B4GALNT2: variants seen among roughly 807,000 people sequenced by gnomAD.
B4GALNT2 encodes N-acetylneuraminylgalactosylglucosyl-glucoside beta-1,4-N- acetylgalactosaminyltransferase 2.
Under a neutral mutation model 51.1 loss-of-function variants are expected in B4GALNT2, and 42 were observed. The ratio of observed to expected loss-of-function variants is 0.82; its 90% confidence interval spans 0.64 to 1.06. The LOEUF (loss-of-function observed/expected upper bound fraction) is 1.06. Ranked by LOEUF, B4GALNT2 falls within the 50% of genes least tolerant of loss-of-function variation. The pLI is 0.00. For synonymous variants in B4GALNT2, 253 were observed against 251.7 expected, an observed-to-expected ratio of 1.01 and a Z score of -0.05; for missense variants, 602 against 633.6, an observed-to-expected ratio of 0.95 and a Z score of 0.54.
In B4GALNT2 at chr17:49,169,548, C is replaced by T; in HGVS notation, c.1341C>T (p.Thr447=). ...AATTCTTCATTGATGGGCTAGGGAC[C>T]CTACTCGTGGGGTCATGCCCAGAAG... The part of the protein sequence containing the change: ...HSEFFIDGLG[T]LLVGSCPEVI... Residue 447 remains threonine (T), a synonymous_variant, in exon 11 of 11, where the codon ACC becomes ACT. Coordinates refer to ENST00000393354, the MANE Select transcript of B4GALNT2 (RefSeq NM_001159387.2). 1 of 1,612,210 alleles carries T rather than the reference C, an allele frequency of 6.2e-7. No individual in the cohort carries two copies. The highest frequency in any genetic ancestry group is 8.5e-7 in the Non-Finnish European group (1 of 1,180,012).
At chr17:49,132,917 C>T (rs2144262090) in intron 1 of B4GALNT2, 111 bp downstream of exon 1, 2 of 1,377,378 alleles carry the variant, frequency 1.5e-6, no homozygotes, top group South Asian at 1.8e-5. Flanking sequence ...ACGCAGACGC[C>T]GGAGCCAGGG....
intron 4 of B4GALNT2, among the ~76,000 whole-genome samples, chr17:49,155,519 T>C (rs1431499200): frequency 6.6e-6 from 1 of 150,472 alleles, no homozygotes; most frequent in Non-Finnish European, 1.5e-5. Flanking sequence ...GGAGAATCAC[T>C]TGAACTTGGG....
At chr17:49,145,301 G>A (rs2091041) in intron 3 of B4GALNT2, among the ~76,000 whole-genome samples, 47 of 151,982 alleles carry the variant, frequency 3.1e-4, no homozygotes, top group African/African-American at 1.1e-3. Flanking sequence ...GACCAGAAAC[G>A]CACCAATCCC....
upstream of B4GALNT2, among the ~76,000 whole-genome samples, chr17:49,127,511 C>T (rs1489854542): frequency 1.3e-5 from 2 of 152,070 alleles, no homozygotes; most frequent in East Asian, 1.9e-4. Context: ...TTACTTTGTC[C>T]TTAAAAATGT....
rs1851581 is a variant in B4GALNT2, at chr17:49,172,408, T to A, written c.*2680T>A. 2 of 153,244 alleles carry A rather than the reference T, an allele frequency of 1.3e-5. No homozygotes were observed. Among genetic ancestry groups the A allele is most frequent in the African/African-American group, 4.8e-5 (2 of 41,394 alleles). 9.5% of individuals were successfully genotyped at this position (153,244 alleles called of 1,614,324 possible). ...CCTATTTCCCAACTTTTTGTTATTG[T>A]ATCTCTCCACCAAACCAGTTGTTCT... is the stretch of plus-strand genomic sequence containing the variant. On this transcript the variant is annotated 3_prime_UTR_variant, in exon 11 of 11. Transcript: ENST00000393354.
chr17:49,132,892 G>A (rs551018318), intron 1 of B4GALNT2, 86 bp downstream of exon 1: 4 of 1,376,512 alleles, frequency 2.9e-6, no homozygotes, highest in South Asian at 1.8e-5. Context: ...TCTGCAGAGC[G>A]GGCAGGTGCT....
intron 1 of B4GALNT2, chr17:49,133,264 G>T (rs1012148265): frequency 2.8e-6 from 4 of 1,442,856 alleles, no homozygotes; most frequent in African/African-American, 1.5e-5. Flanking sequence ...GTGGACAGTC[G>T]GGGAGCCCGG....
intron 1 of B4GALNT2, among the ~76,000 whole-genome samples, chr17:49,136,966 A>C (rs745657296): frequency 6.6e-6 from 1 of 152,216 alleles, no homozygotes; most frequent in Non-Finnish European, 1.5e-5. Flanking sequence ...TATCAATTAC[A>C]TAGTAAAACA....
chr17:49,142,514 A>AC (rs2042654508), intron 3 of B4GALNT2, among the ~76,000 whole-genome samples: 2 of 147,796 alleles, frequency 1.4e-5, no homozygotes, highest in South Asian at 4.3e-4. Context: ...ATATAGTGAG[A>AC]CCCCCATCTC....
rs202033736 is a variant in B4GALNT2, at chr17:49,138,835, C to G, written c.15-2412C>G. On this transcript the variant is annotated intron_variant, in intron 1 of 10. Transcript: ENST00000393354. The stretch of plus-strand genomic sequence containing the variant: ...GAGGTTGCAGTGAGCTGAGATTGTG[C>G]CACTGCACTCCAGCCTGGGTGACAA... Among the ~76,000 whole-genome samples, 11 of 152,276 alleles carry G rather than the reference C, an allele frequency of 7.2e-5. No individual in the cohort carries two copies. The South Asian group carries it at 2.1e-3, about 29-fold the overall frequency.
chr17:49,150,489 G>A (rs1412648682), intron 3 of B4GALNT2, among the ~76,000 whole-genome samples: 2 of 152,112 alleles, frequency 1.3e-5, no homozygotes, highest in African/African-American at 2.4e-5. Context: ...AAGCGGGGAA[G>A]GGTGGGGAAA....
rs117396263 is a variant in B4GALNT2 at position 49,166,087 on chromosome 17, A to G, written c.955-27A>G. 6 of 1,606,656 alleles carry G rather than the reference A, an allele frequency of 3.7e-6. No homozygotes were observed. In the African/African-American group the frequency reaches 6.7e-5, roughly 18 times the overall value. Reference sequence around the variant, plus strand: ...ATTCTAATATGTAATATGGGCAACCACTCCTTTAACCTCATTTCATCTACA... The same window carrying G: ...ATTCTAATATGTAATATGGGCAACCGCTCCTTTAACCTCATTTCATCTACA... On this transcript the variant is annotated intron_variant, in intron 8 of 10. Coordinates refer to ENST00000393354, the MANE Select transcript of B4GALNT2 (RefSeq NM_001159387.2).
intron 4 of B4GALNT2, among the ~76,000 whole-genome samples, chr17:49,155,940 G>A (rs1045538762): frequency 6.6e-6 from 1 of 151,908 alleles, no homozygotes; most frequent in African/African-American, 2.4e-5. Flanking sequence ...TGTTAGCCAG[G>A]ATGATCTCGA....
rs768210043 is a variant in B4GALNT2, at chr17:49,164,183, C to A, written c.862C>A (p.Pro288Thr). 3 of 1,613,656 alleles carry A rather than the reference C, an allele frequency of 1.9e-6. No individual in the cohort carries two copies. Among genetic ancestry groups the A allele is most frequent in the Non-Finnish European group, 2.5e-6 (3 of 1,179,660 alleles). ...GCTCCGGAGTATTCGAGAGTATTACCCAGACTTGACCGTAATAGTGGCTGA... is the reference window on the plus strand; with the variant it reads ...GCTCCGGAGTATTCGAGAGTATTACACAGACTTGACCGTAATAGTGGCTGA... ...IMLRSIREYY[P>T]DLTVIVADDS... Residue 288 changes from proline to threonine, a missense_variant, in exon 8 of 11, where the codon CCA (proline) becomes ACA (threonine). Pro to Thr is a conservative substitution (Grantham distance 38). Transcript: ENST00000393354.
chr17:49,133,183 G>A lies in B4GALNT2; in HGVS notation c.14+377G>A, dbSNP rs576658131. 4.6e-6 allele frequency: 7 copies of A among 1,511,660 alleles called. No individual in the cohort carries two copies. The African/African-American group carries it at 8.7e-5, about 19-fold the overall frequency. 93.6% of individuals were successfully genotyped at this position (1,511,660 alleles called of 1,614,324 possible). A position where few individuals can be genotyped will look rare whatever the true frequency, so the allele number is the denominator to read the frequency against. ...CTCAGAGGCGCTGACCCAGCCTGGG[G>A]CCCGTTTGCTGCCCACGGGAGGAGC... On this transcript the variant is annotated intron_variant, in intron 1 of 10. Coordinates refer to ENST00000393354, the MANE Select transcript of B4GALNT2 (RefSeq NM_001159387.2).
Position 49,175,648 on chromosome 17 carries a change from G to A in B4GALNT2, c.*5920G>A, listed in dbSNP as rs527927220. 6.6e-6 allele frequency: 1 copy of A among 152,214 alleles called. No homozygotes were observed. The highest frequency in any genetic ancestry group is 2.4e-5 in the African/African-American group (1 of 41,520). 9.4% of individuals were successfully genotyped at this position (152,214 alleles called of 1,614,324 possible). ...GGGACAGACATTGTACAGGGGTGAG[G>A]GAGTGAGCTATAATATTTCCCTGTT... is the stretch of plus-strand genomic sequence containing the variant. On this transcript the variant is annotated 3_prime_UTR_variant, in exon 11 of 11. Coordinates refer to ENST00000393354, the MANE Select transcript of B4GALNT2 (RefSeq NM_001159387.2).
At chr17:49,152,650 T>C (rs1418604407) in intron 3 of B4GALNT2, 150 bp from the exon 4 acceptor site, 2 of 596,916 alleles carry the variant, frequency 3.4e-6, no homozygotes, top group Non-Finnish European at 5.8e-6. Flanking sequence ...CACTCCAGCC[T>C]GGGTGACGAG....
At chr17:49,139,218 T>G (rs918717411) in intron 1 of B4GALNT2, among the ~76,000 whole-genome samples, 2 of 152,082 alleles carry the variant, frequency 1.3e-5, no homozygotes, top group Non-Finnish European at 2.9e-5. Flanking sequence ...TCCATGACAA[T>G]GTTAGATAAT....
chr17:49,168,710 C>T lies in B4GALNT2; in HGVS notation c.1125C>T (p.Phe375=). The change falls in exon 10 of 11, where the codon TTC becomes TTT. Residue 375 remains phenylalanine (F), a synonymous_variant. Transcript: ENST00000393354. ...VVGGSVLGNV[F]QFKLLLEQSE... ...GCGGCAGTGTGCTGGGAAATGTGTT[C>T]CAGTTTAAGTTGTTGCTGGAACAGA... is the stretch of plus-strand genomic sequence containing the variant. The T allele has an allele frequency of 1.2e-6, 2 of 1,613,912 alleles. No individual in the cohort carries two copies. The highest frequency in any genetic ancestry group is 1.7e-6 in the Non-Finnish European group (2 of 1,179,974).
Sources: gnomAD v4.1 joint callset for allele counts (sites outside exome capture counted in the v4.1 genomes callset) on GRCh38, gnomAD v4.1.1 for gene constraint, MANE v1.5 for transcripts, NCBI Gene and HGNC (gene_info 2026-07-23, HGNC 2026-07-21) for gene names.